ARHGAP24: variants seen among roughly 807,000 people sequenced by gnomAD.
ARHGAP24 encodes rho GTPase-activating protein 24.
A neutral mutation model predicts 76.4 loss-of-function variants in ARHGAP24; 50 were observed. That is an observed-to-expected ratio of 0.65 (90% CI 0.52 to 0.83). The LOEUF is 0.83. Among genes scored for constraint, ARHGAP24 ranks in the 40% least tolerant of loss-of-function variants. The probability of loss-of-function intolerance (pLI) is 0.00; values close to 1 mark genes in which losing one functional copy is unlikely to be tolerated. For synonymous variants in ARHGAP24, 345 were observed against 323.3 expected, an observed-to-expected ratio of 1.07 and a Z score of -0.72; for missense variants, 930 against 914.2, an observed-to-expected ratio of 1.02 and a Z score of -0.22.
At chr4:85,838,642 A>T (rs1730424200) in intron 3 of ARHGAP24, among the ~76,000 whole-genome samples, 1 of 152,174 alleles carries the variant, frequency 6.6e-6, no homozygotes, top group Non-Finnish European at 1.5e-5. Flanking sequence ...TGTTTTTAAA[A>T]TCTCTTTTAT....
At chr4:85,853,821 G>A (rs969108986) in intron 3 of ARHGAP24, among the ~76,000 whole-genome samples, 1 of 152,048 alleles carries the variant, frequency 6.6e-6, no homozygotes, top group Admixed American at 6.6e-5. Context: ...GGGCATAGTG[G>A]CACACACCTG....
intron 2 of ARHGAP24, among the ~76,000 whole-genome samples, chr4:85,641,395 A>C (rs1721516653): frequency 6.6e-6 from 1 of 152,218 alleles, no homozygotes; most frequent in Non-Finnish European, 1.5e-5. Context: ...TAAGCAGCAG[A>C]AATTAATTTC....
chr4:85,514,817 TAAAAA>T (rs773699457), intron 1 of ARHGAP24, among the ~76,000 whole-genome samples: 147 of 82,490 alleles, frequency 1.8e-3, no homozygotes, highest in African/African-American at 6.3e-3. Context: ...CTCTAAATTG[TAAAAA>T]AAAAAAAAAA....
chr4:85,636,185 G>GT (rs1292591088), intron 2 of ARHGAP24, among the ~76,000 whole-genome samples: 177 of 149,844 alleles, frequency 1.2e-3, no homozygotes, highest in African/African-American at 3.8e-3. Context: ...CACTTTCCTT[G>GT]TTTTTTTTTA....
chr4:85,529,903 T>TA (rs746260064), intron 1 of ARHGAP24, among the ~76,000 whole-genome samples: 29 of 144,860 alleles, frequency 2.0e-4, no homozygotes, highest in South Asian at 1.0e-3. Flanking sequence ...TGTACTATTT[T>TA]AAAAAAAACT....
intron 4 of ARHGAP24, among the ~76,000 whole-genome samples, chr4:85,935,397 A>C (rs1055536489): frequency 1.3e-5 from 2 of 152,206 alleles, no homozygotes; most frequent in Non-Finnish European, 2.9e-5. Context: ...CCCTGAACAA[A>C]AGGCTGACCA....
intron 8 of ARHGAP24, among the ~76,000 whole-genome samples, chr4:85,989,774 C>G (rs1740215183): frequency 6.6e-6 from 1 of 151,306 alleles, no homozygotes; most frequent in Non-Finnish European, 1.5e-5. Flanking sequence ...CTTTAAGATA[C>G]AAAAAAATCA....
chr4:85,482,117 G>T (rs1722838216), intron 1 of ARHGAP24, among the ~76,000 whole-genome samples: 1 of 152,140 alleles, frequency 6.6e-6, no homozygotes, highest in South Asian at 2.1e-4. Flanking sequence ...ATGATCCGGG[G>T]GAGTTAAAAC....
At chr4:85,917,016 C>G (rs962701712) in intron 3 of ARHGAP24, among the ~76,000 whole-genome samples, 37 of 152,040 alleles carry the variant, frequency 2.4e-4, no homozygotes, top group African/African-American at 8.9e-4. Flanking sequence ...CACCCATTAA[C>G]TCGTCATTTA....
At chr4:85,786,404 T>C (rs189215366) in intron 3 of ARHGAP24, among the ~76,000 whole-genome samples, 14 of 152,320 alleles carry the variant, frequency 9.2e-5, no homozygotes, top group African/African-American at 3.1e-4. Context: ...TACTTTTTAG[T>C]AGGGGAAGCC....
intron 8 of ARHGAP24, among the ~76,000 whole-genome samples, chr4:85,982,483 TG>T (rs1176537896): frequency 6.6e-6 from 1 of 152,104 alleles, no homozygotes; most frequent in Admixed American, 6.6e-5. Flanking sequence ...CCCCATTCCC[TG>T]GGAGTGTAGT....
intron 1 of ARHGAP24, among the ~76,000 whole-genome samples, chr4:85,486,582 C>A (rs1287191179): frequency 6.6e-6 from 1 of 152,160 alleles, no homozygotes; most frequent in Non-Finnish European, 1.5e-5. Context: ...TGAGAGAGAA[C>A]AGCCTCCAGC....
At chr4:85,988,611 CT>C (rs1013327934) in intron 8 of ARHGAP24, among the ~76,000 whole-genome samples, 2 of 150,722 alleles carry the variant, frequency 1.3e-5, no homozygotes, top group East Asian at 1.9e-4. Context: ...TAATAATAAA[CT>C]TTTTTTAAAA....
chr4:85,609,574 C>G (rs1458828200), intron 2 of ARHGAP24, among the ~76,000 whole-genome samples: 3 of 152,138 alleles, frequency 2.0e-5, no homozygotes, highest in African/African-American at 7.2e-5. Flanking sequence ...CAGTTGTTTT[C>G]TAACACAAGG....
intron 8 of ARHGAP24, among the ~76,000 whole-genome samples, chr4:85,987,734 T>C (rs987810180): frequency 6.6e-6 from 1 of 151,968 alleles, no homozygotes; most frequent in Non-Finnish European, 1.5e-5. Context: ...TTCAGACTTA[T>C]AAAAATTTTG....
intron 2 of ARHGAP24, among the ~76,000 whole-genome samples, chr4:85,583,991 G>T (rs1244983273): frequency 6.7e-6 from 1 of 148,888 alleles, no homozygotes; most frequent in African/African-American, 2.6e-5. Flanking sequence ...GACACTGTTG[G>T]TGGGACCGTA....
intron 5 of ARHGAP24, among the ~76,000 whole-genome samples, chr4:85,964,097 T>A (rs1738429255): frequency 6.6e-6 from 1 of 152,098 alleles, no homozygotes; most frequent in East Asian, 1.9e-4. Flanking sequence ...AAGTATGGAT[T>A]CATAAGCTGT....
Position 86,002,656 on chromosome 4 carries a change from T to C in ARHGAP24, c.*1934T>C, listed in dbSNP as rs1162302893. ...CTCTGTGCAATTGGAATAATAAAAA[T>C]ACTACTCCCATAGAGTTGTTATGTG... On this transcript the variant is annotated 3_prime_UTR_variant, in exon 10 of 10. Coordinates refer to ENST00000395184, the MANE Select transcript of ARHGAP24 (RefSeq NM_001025616.3). 1 of 151,876 alleles carries C rather than the reference T, an allele frequency of 6.6e-6. No homozygotes were observed. Among genetic ancestry groups the C allele is most frequent in the Non-Finnish European group, 1.5e-5 (1 of 68,006 alleles). The allele number at this position is 151,876 out of a possible 1,614,324, so 9.4% of individuals were successfully genotyped here.
intron 3 of ARHGAP24, among the ~76,000 whole-genome samples, chr4:85,764,813 A>T (rs1173283950): frequency 6.6e-6 from 1 of 152,156 alleles, no homozygotes; most frequent in African/African-American, 2.4e-5. Context: ...TCGTTACTGT[A>T]ATTCTCAAAG....
Sources: gnomAD v4.1 joint callset for allele counts (sites outside exome capture counted in the v4.1 genomes callset) on GRCh38, gnomAD v4.1.1 for gene constraint, MANE v1.5 for transcripts, NCBI Gene and HGNC (gene_info 2026-07-23, HGNC 2026-07-21) for gene names.